The following FBXL7 variants were observed in gnomAD, a reference collection of about 807,000 sequenced individuals.
The protein encoded by FBXL7 is F-box and leucine rich repeat protein 7.
Under a neutral mutation model 38.3 loss-of-function variants are expected in FBXL7, and 12 were observed. The observed-to-expected ratio is 0.31, with a 90% CI of 0.20 to 0.51. The LOEUF (loss-of-function observed/expected upper bound fraction) is 0.51, where lower values mean the gene tolerates loss of function less well. Ranked by LOEUF, FBXL7 falls within the 20% of genes least tolerant of loss-of-function variation. The pLI, the probability that FBXL7 is intolerant of heterozygous loss-of-function variation, is 0.98. For missense variants in FBXL7, 567 were observed against 676.4 expected (o/e 0.84, Z 1.79); for synonymous variants, 297 against 300.9 (o/e 0.99, Z 0.13).
At chr5:15,655,995 T>A (rs1333559285) in intron 2 of FBXL7, among the ~76,000 whole-genome samples, 1 of 152,216 alleles carries the variant, frequency 6.6e-6, no homozygotes, top group Non-Finnish European at 1.5e-5. Flanking sequence ...AGGATAAGAA[T>A]TATTTTTGTG....
chr5:15,661,410 T>G (rs1393384903), intron 2 of FBXL7, among the ~76,000 whole-genome samples: 3 of 152,104 alleles, frequency 2.0e-5, no homozygotes, highest in Non-Finnish European at 4.4e-5. Flanking sequence ...TTCCTTATGG[T>G]TAGCTAAAAC....
chr5:15,608,742 C>T (rs1374229178), intron 1 of FBXL7, among the ~76,000 whole-genome samples: 1 of 152,186 alleles, frequency 6.6e-6, no homozygotes, highest in African/African-American at 2.4e-5. Context: ...TTCCAGCCTG[C>T]TAGTATAACC....
intron 2 of FBXL7, among the ~76,000 whole-genome samples, chr5:15,745,460 G>A (rs1176471174): frequency 2.6e-5 from 4 of 152,104 alleles, no homozygotes; most frequent in Non-Finnish European, 5.9e-5. Context: ...GGAGAGGAGA[G>A]GCAATAAACA....
At chr5:15,897,263 A>T (rs1741126193) in intron 2 of FBXL7, among the ~76,000 whole-genome samples, 1 of 152,230 alleles carries the variant, frequency 6.6e-6, no homozygotes, top group Admixed American at 6.5e-5. Context: ...TTGATGCTGC[A>T]AGAGATAGAA....
Position 15,939,052 on chromosome 5 carries a change from T to C in FBXL7, c.*1866T>C, listed in dbSNP as rs1694780122. The C allele has an allele frequency of 1.0e-5, 4 of 398,958 alleles. No homozygotes were observed. Among genetic ancestry groups the C allele is most frequent in the Non-Finnish European group, 1.3e-5 (3 of 226,076 alleles). The allele number at this position is 398,958 out of a possible 1,614,324, so 24.7% of individuals were successfully genotyped here. A position where few individuals can be genotyped will look rare whatever the true frequency, so the allele number is the denominator to read the frequency against. ...ACTGCACTCCTACTGTAGGCTCCTG[T>C]GCATACTGTCGTCTTCTGTGGGGGA... On this transcript the variant is annotated 3_prime_UTR_variant, in exon 4 of 4. Coordinates refer to ENST00000504595, the MANE Select transcript of FBXL7 (RefSeq NM_012304.5).
chr5:15,628,334 T>C (rs868767006), intron 2 of FBXL7, among the ~76,000 whole-genome samples: 2 of 85,534 alleles, frequency 2.3e-5, no homozygotes, highest in African/African-American at 7.9e-5. Flanking sequence ...TGTAGGAGGA[T>C]ATCCAGGAGG....
intron 2 of FBXL7, among the ~76,000 whole-genome samples, chr5:15,790,325 C>G (rs146908057): frequency 8.5e-5 from 13 of 152,206 alleles, no homozygotes; most frequent in Middle Eastern, 3.4e-3. Flanking sequence ...GATGCTTCCT[C>G]CGCTTTGCTT....
intron 2 of FBXL7, among the ~76,000 whole-genome samples, chr5:15,779,609 C>G (rs1052557048): frequency 6.6e-6 from 1 of 152,128 alleles, no homozygotes; most frequent in African/African-American, 2.4e-5. Context: ...CATGCCTTTC[C>G]GAGTTCTAAG....
chr5:15,729,851 C>A (rs1735524857), intron 2 of FBXL7, among the ~76,000 whole-genome samples: 4 of 152,132 alleles, frequency 2.6e-5, no homozygotes, highest in Admixed American at 2.0e-4. Flanking sequence ...TAGTGTTATC[C>A]CCATTTTACA....
intron 2 of FBXL7, among the ~76,000 whole-genome samples, chr5:15,632,311 A>G (rs541416424): frequency 6.6e-6 from 1 of 152,300 alleles, no homozygotes; most frequent in African/African-American, 2.4e-5. Flanking sequence ...TTATGAATAT[A>G]TTCTTCTTAT....
intron 2 of FBXL7, among the ~76,000 whole-genome samples, chr5:15,644,787 A>G (rs1741480808): frequency 6.6e-6 from 1 of 152,178 alleles, no homozygotes; most frequent in African/African-American, 2.4e-5. Flanking sequence ...TGCATGAGAA[A>G]GTAAATCTCC....
At chr5:15,504,276 T>A (rs1175480609) in intron 1 of FBXL7, among the ~76,000 whole-genome samples, 1 of 152,236 alleles carries the variant, frequency 6.6e-6, no homozygotes, top group Admixed American at 6.5e-5. Flanking sequence ...TTTTCTCTTA[T>A]AATGCCGTAA....
intron 2 of FBXL7, among the ~76,000 whole-genome samples, chr5:15,896,698 CTAT>C (rs1741111585): frequency 6.6e-6 from 1 of 152,074 alleles, no homozygotes; most frequent in South Asian, 2.1e-4. Context: ...ACCAGCAGTC[CTAT>C]CCCAGGGCTA....
At chr5:15,781,725 C>A (rs1467108589) in intron 2 of FBXL7, among the ~76,000 whole-genome samples, 3 of 151,914 alleles carry the variant, frequency 2.0e-5, no homozygotes, top group Non-Finnish European at 4.4e-5. Flanking sequence ...GAAGTGGAAG[C>A]AATATGCATA....
intron 2 of FBXL7, among the ~76,000 whole-genome samples, chr5:15,797,422 A>G (rs1737445995): frequency 6.6e-6 from 1 of 152,226 alleles, no homozygotes; most frequent in Non-Finnish European, 1.5e-5. Flanking sequence ...GAACATACAG[A>G]ACCTTTGTGA....
At chr5:15,538,222 T>C (rs535208489) in intron 1 of FBXL7, among the ~76,000 whole-genome samples, 4 of 152,242 alleles carry the variant, frequency 2.6e-5, no homozygotes, top group East Asian at 1.9e-4. Context: ...CAGCTACACA[T>C]TGAAATTGTG....
chr5:15,684,556 T>C (rs1742952967), intron 2 of FBXL7, among the ~76,000 whole-genome samples: 1 of 152,200 alleles, frequency 6.6e-6, no homozygotes, highest in Admixed American at 6.5e-5. Flanking sequence ...AAAGAGACTT[T>C]GCAGATGTGA....
chr5:15,626,977 C>T (rs1246606221), intron 2 of FBXL7, among the ~76,000 whole-genome samples: 1 of 152,146 alleles, frequency 6.6e-6, no homozygotes, highest in Non-Finnish European at 1.5e-5. Flanking sequence ...CAACTGGTAG[C>T]ACAGAGGATG....
intron 1 of FBXL7, among the ~76,000 whole-genome samples, chr5:15,523,402 C>CA (rs1561014290): frequency 2.6e-5 from 4 of 151,576 alleles, no homozygotes; most frequent in African/African-American, 9.7e-5. Context: ...ACTAAAAATA[C>CA]AAAAAAATTA....
Sources: allele counts gnomAD v4.1 joint callset (sites outside exome capture counted in the v4.1 genomes callset), GRCh38; gene constraint gnomAD v4.1.1; transcripts MANE v1.5; gene names NCBI Gene and HGNC (gene_info 2026-07-23, HGNC 2026-07-21).